Variants in AGBL1 observed in about 807,000 individuals in gnomAD.
The protein encoded by AGBL1 is cytosolic carboxypeptidase 4.
AGBL1 carries 130 observed loss-of-function variants against 118.9 expected under a neutral mutation model. That is an observed-to-expected ratio of 1.09 (90% confidence interval 0.95 to 1.26). AGBL1 has a LOEUF of 1.26. AGBL1 is among the 50% of genes most tolerant of loss of function. The pLI is 0.00. For missense variants in AGBL1, 1,584 were observed against 1,298.1 expected (o/e 1.22, Z -3.38); for synonymous variants, 555 against 478.9 (o/e 1.16, Z -2.08).
At chr15:86,795,594 T>C (rs947280595) in intron 22 of AGBL1, among the ~76,000 whole-genome samples, 4 of 150,820 alleles carry the variant, frequency 2.7e-5, no homozygotes, top group African/African-American at 4.9e-5. Context: ...TTGATTTTTT[T>C]TTTTTTTGAG....
At chr15:86,627,985 G>T (rs993958531) in intron 21 of AGBL1, among the ~76,000 whole-genome samples, 12 of 152,180 alleles carry the variant, frequency 7.9e-5, no homozygotes, top group Admixed American at 7.9e-4. Flanking sequence ...ACAGACACGG[G>T]GCTGTTTAGG....
intron 18 of AGBL1, among the ~76,000 whole-genome samples, chr15:86,431,919 AG>A (rs1212135748): frequency 2.0e-5 from 3 of 152,110 alleles, no homozygotes; most frequent in Non-Finnish European, 4.4e-5. Context: ...TGAACACCCC[AG>A]GGCTACTGGG....
rs141293958 is a variant in AGBL1 at position 86,378,153 on chromosome 15, C to T, written c.2375-19213C>T. ...CAAATATATAACACTCTGCATAATA[C>T]AGCAAAGAAAGAGTGGGGCAAATTT... On this transcript the variant is annotated intron_variant, in intron 17 of 22. Coordinates refer to ENST00000614907, the MANE Select transcript of AGBL1 (RefSeq NM_001386094.1). Among the ~76,000 whole-genome samples the T allele has an allele frequency of 7.7e-4, 117 of 152,268 alleles. 1 individual carries two copies. Among genetic ancestry groups the T allele is most frequent in the Middle Eastern group, 3.4e-3 (1 of 294 alleles).
At chr15:86,092,424 T>G (rs766648381) in intron 1 of AGBL1, among the ~76,000 whole-genome samples, 9 of 152,178 alleles carry the variant, frequency 5.9e-5, no homozygotes, top group Non-Finnish European at 1.3e-4. Flanking sequence ...AATGGTAGGT[T>G]AGATATTTCA....
intron 6 of AGBL1, among the ~76,000 whole-genome samples, chr15:86,239,404 T>G (rs757198045): frequency 6.6e-6 from 1 of 152,222 alleles, no homozygotes; most frequent in Non-Finnish European, 1.5e-5. Flanking sequence ...ATGGATGGCA[T>G]TAGGTTTCCT....
chr15:86,630,462 C>G (rs1303819465), intron 21 of AGBL1: 2 of 152,242 alleles, frequency 1.3e-5, no homozygotes, highest in African/African-American at 4.8e-5. Context: ...CAATTAAGGG[C>G]AATAAGTGCT....
chr15:86,415,558 C>G (rs986294595), intron 18 of AGBL1, among the ~76,000 whole-genome samples: 4 of 152,136 alleles, frequency 2.6e-5, no homozygotes, highest in Non-Finnish European at 5.9e-5. Flanking sequence ...TATAAAATCA[C>G]TATTAAATAA....
chr15:86,449,898 C>A (rs1232891881), intron 18 of AGBL1, among the ~76,000 whole-genome samples: 1 of 151,926 alleles, frequency 6.6e-6, no homozygotes. Context: ...GCTCTGTAGG[C>A]AGAGAAATAA....
chr15:86,081,035 T>C (rs1895245324), intron 1 of AGBL1, among the ~76,000 whole-genome samples: 1 of 152,094 alleles, frequency 6.6e-6, no homozygotes. Flanking sequence ...TTAATTTTCC[T>C]CTGATTGTTT....
At chr15:86,336,818 GA>G (rs1280469984) in intron 17 of AGBL1, among the ~76,000 whole-genome samples, 2 of 152,188 alleles carry the variant, frequency 1.3e-5, no homozygotes, top group Non-Finnish European at 2.9e-5. Flanking sequence ...GCTGCCTTAA[GA>G]AAGAGACAAA....
chr15:86,207,141 G>C (rs2078007662), intron 5 of AGBL1, among the ~76,000 whole-genome samples: 2 of 152,106 alleles, frequency 1.3e-5, no homozygotes, highest in African/African-American at 4.8e-5. Context: ...TGTTATTTCT[G>C]AGGGCTCTGT....
chr15:86,508,836 G>A (rs900780417), intron 18 of AGBL1, among the ~76,000 whole-genome samples: 1 of 152,108 alleles, frequency 6.6e-6, no homozygotes, highest in South Asian at 2.1e-4. Context: ...TATTGATGGT[G>A]ATGCAAATGT....
intron 24 of AGBL1, chr15:86,988,440 C>G (rs1486401567): frequency 1.2e-5 from 2 of 169,632 alleles, no homozygotes; most frequent in African/African-American, 4.8e-5. Flanking sequence ...GCTGTTGATT[C>G]TTGTTTCTTT....
chr15:86,293,211 A>G (rs921391217), intron 16 of AGBL1, among the ~76,000 whole-genome samples: 2 of 152,226 alleles, frequency 1.3e-5, no homozygotes, highest in Non-Finnish European at 2.9e-5. Context: ...GTAACAAACT[A>G]CAAAAAATGT....
intron 5 of AGBL1, among the ~76,000 whole-genome samples, chr15:86,220,674 G>A (rs751073003): frequency 6.6e-6 from 1 of 152,206 alleles, no homozygotes; most frequent in Admixed American, 6.5e-5. Context: ...TAGATAGGAT[G>A]TGGGCGGTTC....
chr15:86,695,672 G>A (rs1293519156), intron 22 of AGBL1, among the ~76,000 whole-genome samples: 2 of 151,712 alleles, frequency 1.3e-5, no homozygotes, highest in Non-Finnish European at 2.9e-5. Flanking sequence ...CTAGTTCCTT[G>A]AGGCATGACC....
chr15:86,520,489 T>C (rs557949713), intron 18 of AGBL1, among the ~76,000 whole-genome samples: 1 of 152,300 alleles, frequency 6.6e-6, no homozygotes, highest in East Asian at 1.9e-4. Context: ...TTTTTTATTC[T>C]TGGAAATTGT....
intron 18 of AGBL1, among the ~76,000 whole-genome samples, chr15:86,505,089 T>A (rs1336368085): frequency 2.0e-5 from 3 of 151,842 alleles, no homozygotes; most frequent in African/African-American, 7.2e-5. Flanking sequence ...TCTCACTGAC[T>A]CTGGTCTCCA....
At chr15:86,266,331 A>C in intron 11 of AGBL1, 43 bp from the exon 12 acceptor site, 1 of 1,463,470 alleles carries the variant, frequency 6.8e-7, no homozygotes, top group Non-Finnish European at 9.3e-7. Context: ...TGAGCTAGGG[A>C]GAGAAGGCCG....
Sources: allele counts gnomAD v4.1 joint callset (sites outside exome capture counted in the v4.1 genomes callset), GRCh38; gene constraint gnomAD v4.1.1; transcripts MANE v1.5; gene names NCBI Gene and HGNC (gene_info 2026-07-23, HGNC 2026-07-21).